The following LRRC7 variants were observed in gnomAD, a reference collection of about 807,000 sequenced individuals.
LRRC7 encodes leucine-rich repeat-containing protein 7.
A neutral mutation model predicts 175.7 loss-of-function variants in LRRC7; 23 were observed. The ratio of observed to expected loss-of-function variants is 0.13; its 90% CI spans 0.09 to 0.19. The LOEUF (loss-of-function observed/expected upper bound fraction) is 0.19. Ranked by LOEUF, LRRC7 falls within the 10% of genes least tolerant of loss-of-function variation. The pLI is 1.00. For missense variants in LRRC7, 1,354 were observed against 1,904.7 expected, an observed-to-expected ratio of 0.71 and a Z score of 5.38; for synonymous variants, 685 against 680.9, an observed-to-expected ratio of 1.01 and a Z score of -0.09.
intron 8 of LRRC7, among the ~76,000 whole-genome samples, chr1:69,948,205 G>A (rs142361880): frequency 5.5e-4 from 83 of 152,188 alleles, no homozygotes; most frequent in African/African-American, 2.0e-3. Flanking sequence ...GTTGAACACT[G>A]GTAACTAAAA....
At chr1:69,654,449 T>G (rs545307685) in intron 1 of LRRC7, among the ~76,000 whole-genome samples, 2 of 152,208 alleles carry the variant, frequency 1.3e-5, no homozygotes, top group Admixed American at 1.3e-4. Flanking sequence ...TTTTCCATTT[T>G]AATTCCTGAT....
chr1:69,643,532 G>A (rs912279628), intron 1 of LRRC7, among the ~76,000 whole-genome samples: 10 of 152,080 alleles, frequency 6.6e-5, no homozygotes, highest in Non-Finnish European at 1.2e-4. Flanking sequence ...CTAATGGTGT[G>A]TCCCACATTC....
intron 26 of LRRC7, among the ~76,000 whole-genome samples, chr1:70,111,239 C>G (rs975705476): frequency 6.6e-6 from 1 of 152,170 alleles, no homozygotes; most frequent in Admixed American, 6.5e-5. Flanking sequence ...ACCATCCACT[C>G]TTTTCTTCTT....
chr1:70,106,789 C>CCT (rs1300969845), intron 25 of LRRC7, among the ~76,000 whole-genome samples: 2 of 152,156 alleles, frequency 1.3e-5, no homozygotes, highest in Non-Finnish European at 2.9e-5. Flanking sequence ...TGTGCTGTCC[C>CCT]CTCTCTCTGC....
At chr1:69,630,051 T>C (rs1010441947) in intron 1 of LRRC7, among the ~76,000 whole-genome samples, 2 of 152,024 alleles carry the variant, frequency 1.3e-5, no homozygotes, top group African/African-American at 4.8e-5. Context: ...TCCTGCTTCC[T>C]ATAATGGTGA....
At chr1:70,098,881 C>G (rs1664601320) in intron 25 of LRRC7, among the ~76,000 whole-genome samples, 1 of 152,086 alleles carries the variant, frequency 6.6e-6, no homozygotes, top group African/African-American at 2.4e-5. Context: ...CAGCCAAATT[C>G]TACCAGAGGT....
chr1:70,121,824 A>T lies in LRRC7; in HGVS notation c.4665A>T (p.Val1555=). 1 of 1,612,808 alleles carries T rather than the reference A, an allele frequency of 6.2e-7. No individual in the cohort carries two copies. Among genetic ancestry groups the T allele is most frequent in the African/African-American group, 1.3e-5 (1 of 75,032 alleles). ...SFVHMEHEKA[V]LLLKSFQNTV... ...TACATATGGAACATGAAAAAGCTGT[A>T]TTACTACTGAAGAGTTTCCAGAACA... is the stretch of plus-strand genomic sequence containing the variant. Residue 1555 remains valine, a synonymous_variant, in exon 27 of 27, where the codon GTA becomes GTT. Transcript: ENST00000651989.
intron 7 of LRRC7, among the ~76,000 whole-genome samples, chr1:69,888,417 A>T (rs1268200614): frequency 6.6e-6 from 1 of 152,138 alleles, no homozygotes; most frequent in Non-Finnish European, 1.5e-5. Context: ...TGACTTGGAA[A>T]GGGAACTCCC....
At chr1:69,711,920 A>C (rs1288712864) in intron 2 of LRRC7, among the ~76,000 whole-genome samples, 3 of 152,200 alleles carry the variant, frequency 2.0e-5, no homozygotes, top group Non-Finnish European at 4.4e-5. Context: ...AAGTTCAGGA[A>C]GTATATGCTG....
chr1:70,118,866 GTC>G (rs565077768), intron 26 of LRRC7, among the ~76,000 whole-genome samples: 301 of 151,968 alleles, frequency 2.0e-3, no homozygotes, highest in Middle Eastern at 3.4e-3. Flanking sequence ...CCCTTTCTTT[GTC>G]TCTCTCTAAA....
At chr1:69,786,189 A>G (rs1674391998) in intron 3 of LRRC7, among the ~76,000 whole-genome samples, 1 of 152,134 alleles carries the variant, frequency 6.6e-6, no homozygotes, top group African/African-American at 2.4e-5. Flanking sequence ...TCTACCTGGC[A>G]CTTGGGGCAA....
chr1:69,783,227 G>A (rs1287015650), intron 3 of LRRC7, among the ~76,000 whole-genome samples: 4 of 152,042 alleles, frequency 2.6e-5, no homozygotes, highest in Admixed American at 2.0e-4. Flanking sequence ...CTGTAAACAT[G>A]GTTGAAGTGT....
intron 1 of LRRC7, among the ~76,000 whole-genome samples, chr1:69,631,016 C>CT (rs1652410808): frequency 6.6e-6 from 1 of 151,600 alleles, no homozygotes; most frequent in African/African-American, 2.4e-5. Context: ...GCCTGCACTT[C>CT]TTTTTTTCAT....
intron 2 of LRRC7, among the ~76,000 whole-genome samples, chr1:69,695,553 C>T (rs762250525): frequency 6.6e-6 from 1 of 152,114 alleles, no homozygotes; most frequent in Non-Finnish European, 1.5e-5. Flanking sequence ...TAAAATGGAG[C>T]CAAGCACTAA....
At chr1:69,950,006 A>G (rs1649753984) in intron 8 of LRRC7, among the ~76,000 whole-genome samples, 1 of 149,996 alleles carries the variant, frequency 6.7e-6, no homozygotes, top group South Asian at 2.1e-4. Context: ...TCTGTCCACT[A>G]GCAGCAGCAT....
At chr1:70,017,014 C>T (rs1657020202) in intron 14 of LRRC7, among the ~76,000 whole-genome samples, 1 of 152,074 alleles carries the variant, frequency 6.6e-6, no homozygotes, top group Admixed American at 6.6e-5. Flanking sequence ...CGCGGTGGCT[C>T]ATGCTGTAAT....
intron 1 of LRRC7, among the ~76,000 whole-genome samples, chr1:69,609,861 C>A (rs1007630265): frequency 2.0e-5 from 3 of 152,034 alleles, no homozygotes; most frequent in Admixed American, 6.6e-5. Context: ...ATGACTCATA[C>A]AACCGGCATT....
chr1:70,043,886 T>A, intron 21 of LRRC7, 68 bp from the exon 22 acceptor site: 1 of 1,497,968 alleles, frequency 6.7e-7, no homozygotes, highest in Non-Finnish European at 9.0e-7. Context: ...TTTAAACATG[T>A]TCATGTAATT....
At chr1:70,110,363 G>C (rs1427495215) in intron 26 of LRRC7, among the ~76,000 whole-genome samples, 1 of 152,134 alleles carries the variant, frequency 6.6e-6, no homozygotes, top group Non-Finnish European at 1.5e-5. Flanking sequence ...CTTAGTGACA[G>C]AGCGAGAATC....
Sources: allele counts gnomAD v4.1 joint callset (sites outside exome capture counted in the v4.1 genomes callset), GRCh38; gene constraint gnomAD v4.1.1; transcripts MANE v1.5; gene names NCBI Gene and HGNC (gene_info 2026-07-23, HGNC 2026-07-21).